Variants in BTRC observed in about 807,000 individuals in gnomAD.
BTRC encodes the protein beta-transducin repeat containing E3 ubiquitin protein ligase.
In BTRC, 42 loss-of-function variants were observed where a neutral mutation model predicts 85.5. The ratio of observed to expected loss-of-function variants is 0.49; its 90% CI spans 0.38 to 0.64. BTRC has a LOEUF of 0.64. Among genes scored for constraint, BTRC ranks in the 30% least tolerant of loss-of-function variants. The pLI is 0.00. For synonymous variants in BTRC, 255 were observed against 263.3 expected (o/e 0.97, Z 0.30); for missense variants, 594 against 743.5 (o/e 0.80, Z 2.34).
intron 2 of BTRC, among the ~76,000 whole-genome samples, chr10:101,436,252 G>A (rs1944525876): frequency 6.6e-6 from 1 of 152,094 alleles, no homozygotes; most frequent in South Asian, 2.1e-4. Flanking sequence ...ATGAGAATGA[G>A]CAATAGAGTT....
chr10:101,434,754 T>G lies in BTRC; in HGVS notation c.156+4302T>G, dbSNP rs147048505. Among the ~76,000 whole-genome samples the G allele has an allele frequency of 9.9e-3, 1,494 of 151,548 alleles. 13 individuals carry two copies. The highest frequency in any genetic ancestry group is 0.014 in the Non-Finnish European group (978 of 67,818). On this transcript the variant is annotated intron_variant, in intron 2 of 14. Transcript: ENST00000370187. ...GGCTATAGTGCCTGTGAAAAACCAC[T>G]GCTTAAGAACAGCCTGACCAACATG...
rs369643602 is a variant in BTRC, at chr10:101,545,575, A to C, written c.1657-5124A>C. Among the ~76,000 whole-genome samples the C allele has an allele frequency of 5.3e-5, 8 of 152,328 alleles. 1 individual carries two copies. In the East Asian group the frequency reaches 1.5e-3, roughly 29 times the overall value. The stretch of plus-strand genomic sequence containing the variant: ...CAATATGACTGGTGTCCTTAAAACA[A>C]GAGGAGATTGGGACACACAGAGACC... On this transcript the variant is annotated intron_variant, in intron 13 of 14. Transcript: ENST00000370187.
intron 2 of BTRC, among the ~76,000 whole-genome samples, chr10:101,449,967 T>A (rs1672813962): frequency 6.6e-6 from 1 of 151,490 alleles, no homozygotes; most frequent in South Asian, 2.1e-4. Flanking sequence ...GTTTTGTAAT[T>A]GCATTCGTAC....
At chr10:101,389,308 C>T (rs144465267) in intron 1 of BTRC, among the ~76,000 whole-genome samples, 311 of 151,824 alleles carry the variant, frequency 2.0e-3, no homozygotes, top group African/African-American at 7.2e-3. Context: ...TTCGTCTACC[C>T]CTCTCTGCCT....
intron 1 of BTRC, among the ~76,000 whole-genome samples, chr10:101,368,600 C>T (rs1426577383): frequency 6.6e-6 from 1 of 150,636 alleles, no homozygotes; most frequent in Non-Finnish European, 1.5e-5. Flanking sequence ...CCATTTTAGC[C>T]TCCTGAGTAA....
intron 1 of BTRC, among the ~76,000 whole-genome samples, chr10:101,385,754 G>C (rs1449991738): frequency 6.7e-6 from 1 of 148,730 alleles, no homozygotes; most frequent in African/African-American, 2.5e-5. Flanking sequence ...CATATGTTTT[G>C]TACAAAATTT....
chr10:101,499,312 C>T (rs1052834523), intron 4 of BTRC, among the ~76,000 whole-genome samples: 1 of 151,964 alleles, frequency 6.6e-6, no homozygotes, highest in Admixed American at 6.6e-5. Context: ...TCTGGGCTCA[C>T]TGCAACCTCC....
At chr10:101,509,497 G>A (rs535169474) in intron 4 of BTRC, among the ~76,000 whole-genome samples, 6 of 148,108 alleles carry the variant, frequency 4.1e-5, no homozygotes, top group East Asian at 3.9e-4. Context: ...CTCGTGATCC[G>A]CCCGCCTCGG....
chr10:101,484,458 A>G (rs1227029060), intron 4 of BTRC, among the ~76,000 whole-genome samples: 2 of 152,264 alleles, frequency 1.3e-5, no homozygotes, highest in Middle Eastern at 3.4e-3. Context: ...CTTTTTTTCC[A>G]TGCTACTTGC....
At chr10:101,504,603 T>C (rs1003302500) in intron 4 of BTRC, among the ~76,000 whole-genome samples, 1 of 151,992 alleles carries the variant, frequency 6.6e-6, no homozygotes, top group Non-Finnish European at 1.5e-5. Context: ...TTCCTCTTCC[T>C]CTTCTACCCT....
chr10:101,402,749 C>G (rs1943522929), intron 1 of BTRC, among the ~76,000 whole-genome samples: 1 of 152,172 alleles, frequency 6.6e-6, no homozygotes, highest in African/African-American at 2.4e-5. Context: ...GAGGACAAGT[C>G]TGTTCCACAA....
At chr10:101,404,528 C>T (rs2134007989) in intron 1 of BTRC, among the ~76,000 whole-genome samples, 1 of 152,210 alleles carries the variant, frequency 6.6e-6, no homozygotes, top group East Asian at 1.9e-4. Flanking sequence ...ATATTTTTGT[C>T]AGGCATTCAA....
chr10:101,398,756 C>T (rs995062638), intron 1 of BTRC, among the ~76,000 whole-genome samples: 5 of 151,982 alleles, frequency 3.3e-5, no homozygotes, highest in African/African-American at 9.7e-5. Context: ...GTTGTAAACT[C>T]GTCAGTTATA....
chr10:101,410,844 A>G (rs547127481), intron 1 of BTRC, among the ~76,000 whole-genome samples: 3 of 152,096 alleles, frequency 2.0e-5, no homozygotes, highest in East Asian at 1.9e-4. Flanking sequence ...TCAGTTTTCT[A>G]CATTCCTATC....
At chr10:101,444,744 T>C (rs1564776742) in intron 2 of BTRC, among the ~76,000 whole-genome samples, 1 of 152,222 alleles carries the variant, frequency 6.6e-6, no homozygotes, top group Non-Finnish European at 1.5e-5. Flanking sequence ...TAATGCAAGT[T>C]TCTTACTAGT....
At chr10:101,382,675 G>A (rs1171457442) in intron 1 of BTRC, among the ~76,000 whole-genome samples, 1 of 152,166 alleles carries the variant, frequency 6.6e-6, no homozygotes, top group Non-Finnish European at 1.5e-5. Context: ...AGCAAACTTG[G>A]AGACTGTGTA....
At chr10:101,535,152 T>C (rs1318229382) in intron 10 of BTRC, among the ~76,000 whole-genome samples, 1 of 152,200 alleles carries the variant, frequency 6.6e-6, no homozygotes, top group Non-Finnish European at 1.5e-5. Flanking sequence ...AGTAAATCAA[T>C]CTGAGGAATT....
At chr10:101,493,666 G>C (rs947624588) in intron 4 of BTRC, among the ~76,000 whole-genome samples, 1 of 152,208 alleles carries the variant, frequency 6.6e-6, no homozygotes, top group Non-Finnish European at 1.5e-5. Flanking sequence ...AATTATGATA[G>C]AGTAATACAT....
At chr10:101,479,896 C>G (rs996290931) in intron 4 of BTRC, among the ~76,000 whole-genome samples, 2 of 152,148 alleles carry the variant, frequency 1.3e-5, no homozygotes, top group African/African-American at 2.4e-5. Context: ...GGAAATACTG[C>G]TTTTGTTGAT....
Sources: allele counts gnomAD v4.1 joint callset (sites outside exome capture counted in the v4.1 genomes callset), GRCh38; gene constraint gnomAD v4.1.1; transcripts MANE v1.5; gene names NCBI Gene and HGNC (gene_info 2026-07-23, HGNC 2026-07-21).